The following UNC13C variants were observed in gnomAD, a reference collection of about 807,000 sequenced individuals.
The protein encoded by UNC13C is protein unc-13 homolog C.
Under a neutral mutation model 245.4 loss-of-function variants are expected in UNC13C, and 174 were observed. The ratio of observed to expected loss-of-function variants is 0.71; its 90% CI spans 0.63 to 0.80. The LOEUF (loss-of-function observed/expected upper bound fraction) is 0.80. UNC13C is among the 30% of genes least tolerant of loss of function. The pLI is 0.00. For synonymous variants in UNC13C, 992 were observed against 895.1 expected (o/e 1.11, Z -1.93); for missense variants, 2,829 against 2,602.9 (o/e 1.09, Z -1.89).
chr15:54,011,723 T>C (rs1895387990), intron 1 of UNC13C, among the ~76,000 whole-genome samples: 1 of 152,198 alleles, frequency 6.6e-6, no homozygotes, highest in Non-Finnish European at 1.5e-5. Context: ...TTAGAGTTCA[T>C]CTCTTTCGCT....
At chr15:53,968,711 A>T in the UNC13C span, among the ~76,000 whole-genome samples, 1 of 152,152 alleles carries the variant, frequency 6.6e-6, no homozygotes, top group African/African-American at 2.4e-5. Context: ...TTGAGAAAGG[A>T]TCTAAATTTC....
At chr15:54,172,124 G>A (rs2033422101) in intron 4 of UNC13C, among the ~76,000 whole-genome samples, 1 of 152,028 alleles carries the variant, frequency 6.6e-6, no homozygotes, top group South Asian at 2.1e-4. Context: ...GTAGTGGTGG[G>A]GGAGTGGGAA....
At chr15:54,630,003 T>A (rs1348419134), downstream of UNC13C, 1 of 152,204 alleles carries the variant, frequency 6.6e-6, no homozygotes, top group Non-Finnish European at 1.5e-5. Context: ...AAGCCTGTTA[T>A]ATTTACTTAC....
At chr15:54,343,203 G>A (rs993925384) in intron 17 of UNC13C, among the ~76,000 whole-genome samples, 2 of 150,328 alleles carry the variant, frequency 1.3e-5, no homozygotes, top group African/African-American at 2.5e-5. Flanking sequence ...GCGCAATCTC[G>A]GCTCACTGCA....
At chr15:53,911,086 C>A in the UNC13C span, 1 of 152,218 alleles carries the variant, frequency 6.6e-6, no homozygotes, top group Non-Finnish European at 1.5e-5. Flanking sequence ...AAGGAATGCA[C>A]CTTTGCTGGC....
At chr15:54,054,338 G>C (rs1026124874) in intron 2 of UNC13C, among the ~76,000 whole-genome samples, 1 of 152,090 alleles carries the variant, frequency 6.6e-6, no homozygotes, top group African/African-American at 2.4e-5. Context: ...CTCCCTCTTA[G>C]ACTGTAAGCT....
In UNC13C at chr15:54,223,675, C is replaced by T. The variant is rs377558504; in HGVS notation, c.3072-11355C>T. 2.2e-4 allele frequency among the ~76,000 whole-genome samples: 34 copies of T among 151,892 alleles called. No individual in the cohort carries two copies. The East Asian group carries it at 2.7e-3, about 12-fold the overall frequency. ...TTTATTCTTTTTCTGTGAAGAAGGG[C>T]ATTAGTATTTTGATAGGGATTGTAT... is the stretch of plus-strand genomic sequence containing the variant. On this transcript the variant is annotated intron_variant, in intron 4 of 32. Coordinates refer to ENST00000260323, the MANE Select transcript of UNC13C (RefSeq NM_001080534.3).
At chr15:54,579,592 C>A (rs1463822042) in intron 30 of UNC13C, among the ~76,000 whole-genome samples, 2 of 151,922 alleles carry the variant, frequency 1.3e-5, no homozygotes, top group Non-Finnish European at 2.9e-5. Flanking sequence ...CTCGTCTCTA[C>A]TAAAAATACA....
chr15:54,108,128 T>A (rs1481217324), intron 2 of UNC13C, among the ~76,000 whole-genome samples: 2 of 152,176 alleles, frequency 1.3e-5, no homozygotes, highest in African/African-American at 4.8e-5. Flanking sequence ...TAGACAGCAT[T>A]TAGAGATAAT....
intron 2 of UNC13C, among the ~76,000 whole-genome samples, chr15:54,036,173 G>T (rs1464856504): frequency 2.0e-5 from 3 of 152,182 alleles, no homozygotes; most frequent in Non-Finnish European, 4.4e-5. Context: ...TTAACCGCAA[G>T]TTGTTACTGA....
At chr15:54,087,208 T>G (rs993866087) in intron 2 of UNC13C, among the ~76,000 whole-genome samples, 2 of 152,142 alleles carry the variant, frequency 1.3e-5, no homozygotes, top group Admixed American at 1.3e-4. Context: ...CTCTAGAAAG[T>G]AGAGTGCAGT....
chr15:54,013,956 A>G lies in UNC13C; in HGVS notation c.1053A>G (p.Ala351=). The G allele has an allele frequency of 6.2e-7, 1 of 1,613,768 alleles. No homozygotes were observed. Among genetic ancestry groups the G allele is most frequent in the South Asian group, 1.1e-5 (1 of 91,078 alleles). ...TAGATAAAATGGGTTTTTCAGATGC[A>G]CCAAATGCTATTAAAATTGAATTTG... ...ILIDKMGFSD[A]PNAIKIEFAQ... Residue 351 remains alanine (A), a synonymous_variant, in exon 2 of 33, where the codon GCA becomes GCG. Transcript: ENST00000260323.
chr15:53,895,322 G>C, the UNC13C span, among the ~76,000 whole-genome samples: 3 of 145,448 alleles, frequency 2.1e-5, no homozygotes, highest in East Asian at 4.0e-4. Context: ...CTCCAGCCTG[G>C]GTGACAGAGT....
chr15:54,084,844 G>A (rs1169446680), intron 2 of UNC13C, among the ~76,000 whole-genome samples: 1 of 152,038 alleles, frequency 6.6e-6, no homozygotes, highest in Non-Finnish European at 1.5e-5. Context: ...CTATGAATCA[G>A]GGCCCCTCAG....
At chr15:53,953,152 G>A in the UNC13C span, among the ~76,000 whole-genome samples, 2,910 of 152,332 alleles carry the variant, frequency 0.019, 118 homozygotes, top group African/African-American at 0.067. Flanking sequence ...ATTTCGGAAT[G>A]TACTTTCAGA....
chr15:54,038,124 A>ATTTTTTTTTTTTTTTTTTTTTTT (rs58063301), intron 2 of UNC13C, among the ~76,000 whole-genome samples: 6 of 45,040 alleles, frequency 1.3e-4, no homozygotes, highest in Non-Finnish European at 1.4e-4. Context: ...ATATATATAT[A>ATTTTTTTTTTTTTTTTTTTTTTT]TTTTTTTTTT....
chr15:54,226,252 C>T (rs1375011667), intron 4 of UNC13C, among the ~76,000 whole-genome samples: 1 of 152,066 alleles, frequency 6.6e-6, no homozygotes, highest in Non-Finnish European at 1.5e-5. Flanking sequence ...GAGATATTGA[C>T]CTGAAGTTTT....
At chr15:54,237,807 C>T (rs1201084644) in intron 7 of UNC13C, 117 bp downstream of exon 7, 9 of 854,204 alleles carry the variant, frequency 1.1e-5, no homozygotes, top group Non-Finnish European at 1.6e-5. Flanking sequence ...CCAGAAATAA[C>T]TGGGAGCATG....
intron 19 of UNC13C, among the ~76,000 whole-genome samples, chr15:54,473,371 C>G (rs1892561628): frequency 6.6e-6 from 1 of 151,864 alleles, no homozygotes; most frequent in Non-Finnish European, 1.5e-5. Context: ...CAGTTCAAAT[C>G]TTTTAGTTAG....
Sources: gnomAD v4.1 joint callset for allele counts (sites outside exome capture counted in the v4.1 genomes callset) on GRCh38, gnomAD v4.1.1 for gene constraint, MANE v1.5 for transcripts, NCBI Gene and HGNC (gene_info 2026-07-23, HGNC 2026-07-21) for gene names.